Variants in ZFR observed in about 807,000 individuals in gnomAD.
The protein encoded by ZFR is zinc finger RNA binding protein.
A neutral mutation model predicts 130.7 loss-of-function variants in ZFR; 19 were observed. The observed-to-expected ratio is 0.15, with a 90% CI of 0.10 to 0.21. ZFR has a LOEUF of 0.21. ZFR is among the 10% of genes least tolerant of loss of function. The pLI, the probability that ZFR is intolerant of heterozygous loss-of-function variation, is 1.00. For synonymous variants in ZFR, 466 were observed against 456.9 expected, an observed-to-expected ratio of 1.02 and a Z score of -0.25; for missense variants, 872 against 1,321.5, an observed-to-expected ratio of 0.66 and a Z score of 5.27.
intron 4 of ZFR, among the ~76,000 whole-genome samples, chr5:32,415,513 T>TGCGC (rs1349570905): frequency 6.7e-4 from 62 of 92,304 alleles, no homozygotes; most frequent in African/African-American, 1.4e-3. Context: ...TGTGTGTGTG[T>TGCGC]GTGCGCGCGC....
At chr5:32,378,588 A>T (rs1581686138) in intron 17 of ZFR, among the ~76,000 whole-genome samples, 2 of 152,156 alleles carry the variant, frequency 1.3e-5, no homozygotes, top group South Asian at 2.1e-4. Flanking sequence ...GTATATAGGT[A>T]TAATTTTTTT....
intron 11 of ZFR, among the ~76,000 whole-genome samples, chr5:32,394,005 C>T (rs140544134): frequency 2.3e-3 from 354 of 152,234 alleles, no homozygotes; most frequent in Non-Finnish European, 3.9e-3. Flanking sequence ...GAAAATTTTA[C>T]ATATGCACAA....
intron 14 of ZFR, among the ~76,000 whole-genome samples, chr5:32,386,501 A>G (rs1393576727): frequency 6.6e-6 from 1 of 152,146 alleles, no homozygotes; most frequent in Non-Finnish European, 1.5e-5. Context: ...CACCACAATT[A>G]GGATCAAGAT....
intron 2 of ZFR, among the ~76,000 whole-genome samples, chr5:32,428,179 C>T (rs1463590420): frequency 2.0e-5 from 3 of 152,104 alleles, no homozygotes; most frequent in Non-Finnish European, 2.9e-5. Context: ...TGTGGGAGGC[C>T]GAGGTGGGCA....
Position 32,375,220 on chromosome 5 carries a change from T to TA in ZFR, c.2835+3894dup, listed in dbSNP as rs767444486. Among the ~76,000 whole-genome samples the TA allele has an allele frequency of 5.3e-5, 8 of 152,332 alleles. No individual in the cohort carries two copies. The East Asian group carries it at 9.6e-4, about 18-fold the overall frequency. ...GAGAAAAACTATACATTCATGTTAA[T>TA]AAGACTTAAAAAATTGATGAAAGTT... is the stretch of plus-strand genomic sequence containing the variant. On this transcript the variant is annotated intron_variant, in intron 17 of 19. Coordinates refer to ENST00000265069, the MANE Select transcript of ZFR (RefSeq NM_016107.5).
chr5:32,399,587 C>T (rs946424359), intron 9 of ZFR, among the ~76,000 whole-genome samples: 7 of 152,152 alleles, frequency 4.6e-5, no homozygotes, highest in Non-Finnish European at 1.0e-4. Context: ...ACTTGAGAAA[C>T]CAAATGAATA....
intron 17 of ZFR, among the ~76,000 whole-genome samples, chr5:32,377,173 A>T (rs1752838055): frequency 6.6e-6 from 1 of 151,146 alleles, no homozygotes; most frequent in South Asian, 2.1e-4. Flanking sequence ...AAAAAAAAAA[A>T]AAAAAAAGTG....
intron 9 of ZFR, among the ~76,000 whole-genome samples, chr5:32,398,332 C>A (rs1753366591): frequency 6.6e-6 from 1 of 152,098 alleles, no homozygotes; most frequent in African/African-American, 2.4e-5. Flanking sequence ...TCTCAAAGCT[C>A]AAGGTTTTAT....
intron 2 of ZFR, among the ~76,000 whole-genome samples, chr5:32,435,906 A>G (rs1356709329): frequency 6.6e-6 from 1 of 152,066 alleles, no homozygotes; most frequent in Non-Finnish European, 1.5e-5. Context: ...ATTTTATGCT[A>G]TTTTTTTCTG....
At chr5:32,356,386 T>C (rs1456269309) in intron 19 of ZFR, among the ~76,000 whole-genome samples, 1 of 152,184 alleles carries the variant, frequency 6.6e-6, no homozygotes, top group Non-Finnish European at 1.5e-5. Flanking sequence ...TTTCTACTGG[T>C]AAACACTAGG....
At chr5:32,410,634 G>A (rs1753687239) in intron 5 of ZFR, among the ~76,000 whole-genome samples, 1 of 151,976 alleles carries the variant, frequency 6.6e-6, no homozygotes, top group Non-Finnish European at 1.5e-5. Context: ...AGTAAGCTAT[G>A]ATATTAGAAG....
intron 19 of ZFR, among the ~76,000 whole-genome samples, chr5:32,362,232 T>C (rs1752449876): frequency 6.6e-6 from 1 of 152,180 alleles, no homozygotes; most frequent in Admixed American, 6.5e-5. Context: ...ATTTTGCCTG[T>C]TTATTAAAGG....
At chr5:32,361,910 G>C (rs920393763) in intron 19 of ZFR, among the ~76,000 whole-genome samples, 3 of 152,172 alleles carry the variant, frequency 2.0e-5, no homozygotes, top group South Asian at 2.1e-4. Flanking sequence ...CACTGCACCC[G>C]GCCCAGCCTA....
At chr5:32,374,498 A>G (rs1752752479) in intron 17 of ZFR, among the ~76,000 whole-genome samples, 1 of 152,064 alleles carries the variant, frequency 6.6e-6, no homozygotes, top group Non-Finnish European at 1.5e-5. Flanking sequence ...GCGAGACTCC[A>G]TTTCAAAAAT....
chr5:32,437,677 T>C (rs145830415), intron 2 of ZFR, among the ~76,000 whole-genome samples: 2,589 of 152,270 alleles, frequency 0.017, 38 homozygotes, highest in Non-Finnish European at 0.026. Context: ...TGATGATCTA[T>C]GTCTCTGAGT....
In ZFR at chr5:32,395,557, T is replaced by A. The variant is rs1271542876; in HGVS notation, c.1834-253A>T. ...TGAAATCCTTAGAAAAACTAATGGATATTTAATTTTACTTTACATTTGACC... is the reference window on the plus strand; with the variant it reads ...TGAAATCCTTAGAAAAACTAATGGAAATTTAATTTTACTTTACATTTGACC... On this transcript the variant is annotated intron_variant, in intron 10 of 19. Transcript: ENST00000265069. Among the ~76,000 whole-genome samples, 3 of 152,172 alleles carry A rather than the reference T, an allele frequency of 2.0e-5. No homozygotes were observed. The East Asian group carries it at 5.8e-4, about 29-fold the overall frequency.
At chr5:32,380,223 G>A in intron 15 of ZFR, 51 bp from the exon 16 acceptor site, 2 of 1,428,740 alleles carry the variant, frequency 1.4e-6, no homozygotes, top group Non-Finnish European at 2.0e-6. Context: ...TGTTTGACCA[G>A]GTGAGCAAGA....
At chr5:32,388,310 T>C (rs1333024737) in intron 13 of ZFR, among the ~76,000 whole-genome samples, 159 bp downstream of exon 13, 2 of 152,220 alleles carry the variant, frequency 1.3e-5, no homozygotes, top group African/African-American at 2.4e-5. Context: ...ATTTCTATTT[T>C]TGCAAGCAGC....
chr5:32,395,138 A>G (rs201405522), intron 11 of ZFR, 21 bp downstream of exon 11: 217 of 1,569,938 alleles, frequency 1.4e-4, no homozygotes, highest in Non-Finnish European at 1.8e-4. Context: ...TTACCAGGCT[A>G]TTAAAAGTTA....
Sources: allele counts gnomAD v4.1 joint callset (sites outside exome capture counted in the v4.1 genomes callset), GRCh38; gene constraint gnomAD v4.1.1; transcripts MANE v1.5; gene names NCBI Gene and HGNC (gene_info 2026-07-23, HGNC 2026-07-21).